The following RPH3AL variants were observed in gnomAD, a reference collection of about 807,000 sequenced individuals.
The protein encoded by RPH3AL is rab effector Noc2.
A neutral mutation model predicts 43.1 loss-of-function variants in RPH3AL; 38 were observed. The observed-to-expected ratio is 0.88, with a 90% CI of 0.68 to 1.15. The LOEUF (loss-of-function observed/expected upper bound fraction) is 1.15, where lower values mean the gene tolerates loss of function less well. RPH3AL is among the 50% of genes most tolerant of loss of function. The pLI is 0.00. For synonymous variants in RPH3AL, 189 were observed against 176.3 expected (o/e 1.07, Z -0.57); for missense variants, 462 against 423.2 (o/e 1.09, Z -0.81).
rs1555537993 is a variant in RPH3AL at position 243,265 on chromosome 17, C to CCCTTCCTCTATTGATTA, written c.613+3829_613+3845dup. 3.2e-4 allele frequency among the ~76,000 whole-genome samples: 45 copies of CCCTTCCTCTATTGATTA among 141,306 alleles called. 1 individual carries two copies. Among genetic ancestry groups the CCCTTCCTCTATTGATTA allele is most frequent in the Non-Finnish European group, 4.7e-4 (30 of 64,420 alleles). 92.7% of individuals were successfully genotyped at this position (141,306 alleles called of 152,430 possible). A position where few individuals can be genotyped will look rare whatever the true frequency, so the allele number is the denominator to read the frequency against. On this transcript the variant is annotated intron_variant, in intron 7 of 9. Coordinates refer to ENST00000331302, the MANE Select transcript of RPH3AL (RefSeq NM_006987.4). ...ATTGATTACCTTTCTCTATTGATTA[C>CCCTTCCTCTATTGATTA]CCTTCCTCTATTGATTACCTTCCTC...
At chr17:319,332 C>T in intron 5 of RPH3AL, 88 bp downstream of exon 5, 1 of 1,481,536 alleles carries the variant, frequency 6.7e-7, no homozygotes, top group Non-Finnish European at 9.2e-7. Context: ...GACATACACA[C>T]TCCTGGGAGC....
At chr17:273,022 A>AAGAGACCCCAGCGAGGGTGACGTCAGGG (rs1567604636) in intron 6 of RPH3AL, among the ~76,000 whole-genome samples, 19 of 60,548 alleles carry the variant, frequency 3.1e-4, no homozygotes, top group African/African-American at 8.0e-4. Flanking sequence ...CGACATCAGG[A>AAGAGACCCCAGCGAGGGTGACGTCAGGG]AGAGACCCCA....
chr17:242,030 T>C (rs573897792), intron 7 of RPH3AL, among the ~76,000 whole-genome samples: 44 of 152,132 alleles, frequency 2.9e-4, no homozygotes, highest in African/African-American at 1.1e-3. Context: ...GACTTGAGAA[T>C]TGCTTGAATC....
At chr17:339,879 G>A (rs189884169) in intron 1 of RPH3AL, among the ~76,000 whole-genome samples, 42 of 152,282 alleles carry the variant, frequency 2.8e-4, no homozygotes, top group Admixed American at 2.0e-4. Context: ...GAACTGGGCC[G>A]GGGCAGCCTG....
intron 7 of RPH3AL, among the ~76,000 whole-genome samples, chr17:243,391 TTCC>T (rs2041634489): frequency 7.6e-6 from 1 of 131,342 alleles, no homozygotes; most frequent in Non-Finnish European, 1.7e-5. Flanking sequence ...ATTGATTACC[TTCC>T]TCTATTGACT....
intron 1 of RPH3AL, among the ~76,000 whole-genome samples, chr17:341,819 A>T (rs529342379): frequency 1.3e-5 from 2 of 152,212 alleles, no homozygotes; most frequent in Non-Finnish European, 2.9e-5. Context: ...GATAGCTGAG[A>T]TGACAGGCAT....
At position 245,248 on chromosome 17, in the gene RPH3AL, CAT is replaced by C. The variant is rs932735240; in HGVS notation, c.613+1861_613+1862del. 5.0e-5 allele frequency among the ~76,000 whole-genome samples: 6 copies of C among 120,432 alleles called. No homozygotes were observed. Among genetic ancestry groups the C allele is most frequent in the Non-Finnish European group, 8.7e-5 (5 of 57,254 alleles). The allele number at this position is 120,432 out of a possible 152,430, so 79.0% of individuals were successfully genotyped here. On this transcript the variant is annotated intron_variant, in intron 7 of 9. Coordinates refer to ENST00000331302, the MANE Select transcript of RPH3AL (RefSeq NM_006987.4). This position sits in a 1 kb window ranked among gnomAD's most constrained non-coding sequence, Gnocchi z 5.9. ...ATGTGTGTGTGCGTGTGGATGAGAG[CAT>C]GTGTGTGTGCACGTGGATGTCAGTG...
chr17:269,915 A>C (rs1270443831), intron 6 of RPH3AL, among the ~76,000 whole-genome samples: 1 of 152,106 alleles, frequency 6.6e-6, no homozygotes, highest in Non-Finnish European at 1.5e-5. Context: ...GGCTCAGTCC[A>C]TCTGCAGGGG....
chr17:276,474 C>A (rs950244415), intron 6 of RPH3AL, among the ~76,000 whole-genome samples: 1 of 152,230 alleles, frequency 6.6e-6, no homozygotes, highest in African/African-American at 2.4e-5. Flanking sequence ...CCACTGCCAC[C>A]TCCACCCCCC....
At chr17:239,561 C>T (rs1354811755) in intron 7 of RPH3AL, among the ~76,000 whole-genome samples, 1 of 152,138 alleles carries the variant, frequency 6.6e-6, no homozygotes, top group Non-Finnish European at 1.5e-5. Context: ...ATTTCAGTAA[C>T]TTTATAGTAA....
At chr17:235,894 G>T (rs991848435) in intron 7 of RPH3AL, among the ~76,000 whole-genome samples, 6 of 68,770 alleles carry the variant, frequency 8.7e-5, no homozygotes, top group African/African-American at 1.6e-4. Flanking sequence ...AGTAACAAGA[G>T]GGATACAGGG....
At chr17:261,038 T>G (rs2151571110) in intron 6 of RPH3AL, among the ~76,000 whole-genome samples, 1 of 152,340 alleles carries the variant, frequency 6.6e-6, no homozygotes, top group South Asian at 2.1e-4. Flanking sequence ...TTCCTGAGGA[T>G]GGAAGACCCC....
rs527535675 is a variant in RPH3AL, at chr17:245,026, G to C, written c.613+2085C>G. ...GATATGAGTGTGTGTATGTGGATGT[G>C]TGTGTGGATGTGAGCACTATGTGTG... On this transcript the variant is annotated intron_variant, in intron 7 of 9. Transcript: ENST00000331302. The surrounding 1 kb of genome is among the most constrained non-coding windows in gnomAD (Gnocchi z 5.9). Among the ~76,000 whole-genome samples the C allele has an allele frequency of 3.3e-4, 50 of 152,292 alleles. No homozygotes were observed. Among genetic ancestry groups the C allele is most frequent in the Non-Finnish European group, 6.8e-4 (46 of 68,014 alleles).
At chr17:320,875 G>C (rs751840532) in intron 4 of RPH3AL, among the ~76,000 whole-genome samples, 1 of 152,246 alleles carries the variant, frequency 6.6e-6, no homozygotes, top group Non-Finnish European at 1.5e-5. Context: ...AGAGCCAGGC[G>C]GGGAGCGGCT....
At chr17:269,731 C>T (rs1214139295) in intron 6 of RPH3AL, among the ~76,000 whole-genome samples, 7 of 152,194 alleles carry the variant, frequency 4.6e-5, no homozygotes, top group African/African-American at 1.2e-4. Context: ...CTGCTATGAA[C>T]GATGGGAGTC....
chr17:308,085 T>G (rs2043546456), intron 5 of RPH3AL, among the ~76,000 whole-genome samples: 1 of 152,116 alleles, frequency 6.6e-6, no homozygotes, highest in Admixed American at 6.5e-5. Context: ...AATGAAAAAA[T>G]CCATCTTTGT....
At chr17:316,753 ACCTCCATTGACCTGAAG>A (rs2044232677) in intron 5 of RPH3AL, among the ~76,000 whole-genome samples, 1 of 107,306 alleles carries the variant, frequency 9.3e-6, no homozygotes, top group African/African-American at 3.7e-5. Flanking sequence ...CATGTGCCCC[ACCTCCATTGACCTGAAG>A]TCCCTGTGCC....
chr17:333,531 C>T lies in RPH3AL; in HGVS notation c.-37+228G>A. 1 of 330,300 alleles carries T rather than the reference C, an allele frequency of 3.0e-6. No homozygotes were observed. The highest frequency in any genetic ancestry group is 6.0e-6 in the Non-Finnish European group (1 of 165,526). 20.5% of individuals were successfully genotyped at this position (330,300 alleles called of 1,614,324 possible). Reference sequence around the variant, plus strand: ...TTTTAAACCACCTTGTGCTTTCCCACAGTATTAAAGTTCTTTAAAAATATG... The same window carrying T: ...TTTTAAACCACCTTGTGCTTTCCCATAGTATTAAAGTTCTTTAAAAATATG... On this transcript the variant is annotated intron_variant, in intron 2 of 9. Transcript: ENST00000331302. The surrounding 1 kb of genome is among the most constrained non-coding windows in gnomAD (Gnocchi z 4.5).
At chr17:337,815 G>A (rs1002646856) in intron 1 of RPH3AL, among the ~76,000 whole-genome samples, 6 of 152,244 alleles carry the variant, frequency 3.9e-5, no homozygotes, top group Admixed American at 6.5e-5. Flanking sequence ...TGGGGCACAC[G>A]TAGGAGGTTT....
Sources: allele counts gnomAD v4.1 joint callset (sites outside exome capture counted in the v4.1 genomes callset), GRCh38; gene constraint gnomAD v4.1.1; non-coding constraint Gnocchi (gnomAD v3.1); transcripts MANE v1.5; gene names NCBI Gene and HGNC (gene_info 2026-07-23, HGNC 2026-07-21).